Variants in ZC3H3 observed in about 807,000 individuals in gnomAD.
ZC3H3 encodes zinc finger CCCH domain-containing protein 3.
A neutral mutation model predicts 77.3 loss-of-function variants in ZC3H3; 36 were observed. That is an observed-to-expected ratio of 0.47 (90% CI 0.36 to 0.61). The LOEUF (loss-of-function observed/expected upper bound fraction) is 0.61, where lower values mean the gene tolerates loss of function less well. ZC3H3 is among the 20% of genes least tolerant of loss of function. ZC3H3 has a pLI of 0.00. For synonymous variants in ZC3H3, 626 were observed against 555.2 expected (o/e 1.13, Z -1.79); for missense variants, 1,331 against 1,312.2 (o/e 1.01, Z -0.22).
At chr8:143,488,173 G>T (rs1378833260) in intron 4 of ZC3H3, among the ~76,000 whole-genome samples, 1 of 3,440 alleles carries the variant, frequency 2.9e-4, no homozygotes, top group Non-Finnish European at 1.1e-3. Context: ...AACAGCACCC[G>T]CTCCACGACC....
chr8:143,469,773 G>A (rs1425238922), intron 5 of ZC3H3, among the ~76,000 whole-genome samples: 1 of 152,188 alleles, frequency 6.6e-6, no homozygotes, highest in East Asian at 1.9e-4. Flanking sequence ...CAGGATCACG[G>A]GGTGGGCAGG....
chr8:143,505,396 T>C (rs1226885793), intron 4 of ZC3H3, among the ~76,000 whole-genome samples: 1 of 152,204 alleles, frequency 6.6e-6, no homozygotes, highest in Non-Finnish European at 1.5e-5. Context: ...ACGCCCTTTC[T>C]GCCTAAACAA....
chr8:143,465,117 G>T (rs1278473665), intron 9 of ZC3H3, among the ~76,000 whole-genome samples: 2 of 152,060 alleles, frequency 1.3e-5, no homozygotes, highest in South Asian at 2.1e-4. Flanking sequence ...ATGCCCCTAG[G>T]AAGAGGGGAG....
Position 143,437,888 on chromosome 8 carries a change from A to G in ZC3H3, c.*168T>C. On this transcript the variant is annotated 3_prime_UTR_variant, in exon 12 of 12. Coordinates refer to ENST00000262577, the MANE Select transcript of ZC3H3 (RefSeq NM_015117.3). ...GGGAGGAAGACCAGGCCCTGCGCAC[A>G]CGCTGGTCATGGAAGGTTGAGGGCC... 1.1e-6 allele frequency: 1 copy of G among 917,152 alleles called. No homozygotes were observed. Among genetic ancestry groups the G allele is most frequent in the East Asian group, 2.7e-5 (1 of 36,856 alleles). 56.8% of individuals were successfully genotyped at this position (917,152 alleles called of 1,614,324 possible).
chr8:143,531,582 T>G (rs1266546723), intron 3 of ZC3H3, among the ~76,000 whole-genome samples: 1 of 152,280 alleles, frequency 6.6e-6, no homozygotes, highest in African/African-American at 2.4e-5. Context: ...AAATAAATTG[T>G]GTACAGCATA....
rs1356936216 is a variant in ZC3H3, at chr8:143,536,507, C to T, written c.1365-54G>A. The T allele has an allele frequency of 5.6e-6, 8 of 1,438,838 alleles. No homozygotes were observed. In the Admixed American group the frequency reaches 8.0e-5, roughly 14 times the overall value. 89.1% of individuals were successfully genotyped at this position (1,438,838 alleles called of 1,614,324 possible). On this transcript the variant is annotated intron_variant, in intron 2 of 11. Transcript: ENST00000262577. ...AACAAGCCCTGGGGGTTCTGCCCAC[C>T]CACCCTTCCTCACCAGGACCCGAGG...
At chr8:143,479,402 G>A (rs879450219) in intron 4 of ZC3H3, among the ~76,000 whole-genome samples, 5 of 152,192 alleles carry the variant, frequency 3.3e-5, no homozygotes, top group Non-Finnish European at 5.9e-5. Context: ...CAGGGCCAAG[G>A]ACCCGGAGCG....
chr8:143,507,004 AG>A (rs1298052705), intron 4 of ZC3H3, among the ~76,000 whole-genome samples: 2 of 152,178 alleles, frequency 1.3e-5, no homozygotes, highest in Admixed American at 1.3e-4. Context: ...AGACAGAGGG[AG>A]GGGTCTGCCA....
intron 3 of ZC3H3, among the ~76,000 whole-genome samples, chr8:143,513,628 G>A (rs780028341): frequency 5.3e-5 from 8 of 152,238 alleles, no homozygotes; most frequent in Non-Finnish European, 7.3e-5. Flanking sequence ...TGAGCGGGGC[G>A]CAGACCCCCG....
chr8:143,449,171 CTG>C (rs1244904149), intron 9 of ZC3H3, among the ~76,000 whole-genome samples: 7 of 152,252 alleles, frequency 4.6e-5, no homozygotes, highest in African/African-American at 1.7e-4. Flanking sequence ...TGAAATGCCT[CTG>C]AGGCTTTCTC....
At position 143,440,024 on chromosome 8, in the gene ZC3H3, C is replaced by A; in HGVS notation, c.2815+17G>T. ...TGAGGGGGGCCCTGGGGGCCCGAGC[C>A]AGGCCGTGCTGCCTACCTGAGTCCT... On this transcript the variant is annotated intron_variant, in intron 11 of 11. Coordinates refer to ENST00000262577, the MANE Select transcript of ZC3H3 (RefSeq NM_015117.3). 4.0e-6 allele frequency: 6 copies of A among 1,495,088 alleles called. No individual in the cohort carries two copies. The highest frequency in any genetic ancestry group is 1.3e-5 in the South Asian group (1 of 77,404). 92.6% of individuals were successfully genotyped at this position (1,495,088 alleles called of 1,614,324 possible).
chr8:143,520,146 C>T (rs553621900), intron 3 of ZC3H3, among the ~76,000 whole-genome samples: 4 of 152,218 alleles, frequency 2.6e-5, no homozygotes, highest in Non-Finnish European at 5.9e-5. Context: ...CAGCCCCAGC[C>T]CTGGATGCAT....
chr8:143,468,123 G>C, intron 8 of ZC3H3, 86 bp downstream of exon 8: 1 of 1,491,856 alleles, frequency 6.7e-7, no homozygotes, highest in Non-Finnish European at 9.2e-7. Flanking sequence ...CCCAGAGAAA[G>C]CTGTGGGCAC....
chr8:143,516,376 G>A (rs565824093), intron 3 of ZC3H3, among the ~76,000 whole-genome samples: 1 of 152,106 alleles, frequency 6.6e-6, no homozygotes, highest in Non-Finnish European at 1.5e-5. Context: ...GGGCACCCTC[G>A]AACCCTCTGG....
chr8:143,443,795 G>T (rs532379481), intron 9 of ZC3H3, among the ~76,000 whole-genome samples: 1 of 152,198 alleles, frequency 6.6e-6, no homozygotes, highest in Non-Finnish European at 1.5e-5. Context: ...GAAAGACACC[G>T]CACGCTGTGG....
intron 3 of ZC3H3, among the ~76,000 whole-genome samples, chr8:143,510,466 A>C (rs1821837746): frequency 6.6e-6 from 1 of 152,256 alleles, no homozygotes; most frequent in Non-Finnish European, 1.5e-5. Flanking sequence ...ACAGCCGGAC[A>C]GATGGGTAGT....
chr8:143,508,758 G>GACCCC (rs1488653030), intron 3 of ZC3H3, among the ~76,000 whole-genome samples: 1 of 151,746 alleles, frequency 6.6e-6, no homozygotes, highest in Non-Finnish European at 1.5e-5. Flanking sequence ...CCCACAGGAG[G>GACCCC]ACCCCACCCA....
intron 3 of ZC3H3, among the ~76,000 whole-genome samples, chr8:143,525,468 T>C (rs921956837): frequency 3.3e-5 from 5 of 152,204 alleles, no homozygotes; most frequent in African/African-American, 1.2e-4. Context: ...TCTGTGTCCC[T>C]TTCCAGGCAG....
rs985120813 is a variant in ZC3H3 at position 143,533,991 on chromosome 8, A to C, written c.1561+2266T>G. On this transcript the variant is annotated intron_variant, in intron 3 of 11. Coordinates refer to ENST00000262577, the MANE Select transcript of ZC3H3 (RefSeq NM_015117.3). The surrounding 1 kb of genome is among the most constrained non-coding windows in gnomAD (Gnocchi z 4.0). ...ACGCCCAGCCTCACGTTGGTCTTTA[A>C]CTATGAGTTTGGCTGGGCACAGTGG... Among the ~76,000 whole-genome samples the C allele has an allele frequency of 2.0e-4, 31 of 151,734 alleles. No homozygotes were observed. Among genetic ancestry groups the C allele is most frequent in the African/African-American group, 7.3e-4 (30 of 41,370 alleles).
Sources: gnomAD v4.1 joint callset for allele counts (sites outside exome capture counted in the v4.1 genomes callset) on GRCh38, gnomAD v4.1.1 for gene constraint, Gnocchi (gnomAD v3.1) non-coding constraint, MANE v1.5 for transcripts, NCBI Gene and HGNC (gene_info 2026-07-23, HGNC 2026-07-21) for gene names.